SPAG9: variants seen among roughly 807,000 people sequenced by gnomAD.
SPAG9 encodes the protein C-Jun-amino-terminal kinase-interacting protein 4.
In SPAG9, 35 loss-of-function variants were observed where a neutral mutation model predicts 166.5. That is an observed-to-expected ratio of 0.21 (90% CI 0.16 to 0.28). The LOEUF (loss-of-function observed/expected upper bound fraction) is 0.28, where lower values mean the gene tolerates loss of function less well. Among genes scored for constraint, SPAG9 ranks in the 10% least tolerant of loss-of-function variants. SPAG9 has a pLI of 1.00. For missense variants in SPAG9, 1,235 were observed against 1,603.3 expected (o/e 0.77, Z 3.92); for synonymous variants, 534 against 565.5 (o/e 0.94, Z 0.79).
At position 50,998,317 on chromosome 17, in the gene SPAG9, AC is replaced by A. The variant is rs199523891; in HGVS notation, c.1838+126del. On this transcript the variant is annotated intron_variant, in intron 15 of 29. Transcript: ENST00000262013. ...AGTGCTGGGATTACAGGTGTGAGCC[AC>A]CGTGCCTGGCCCAGAAATGATTTTT... 2,416 of 832,394 alleles carry A rather than the reference AC, an allele frequency of 2.9e-3. 8 individuals carry two copies. The highest frequency in any genetic ancestry group is 3.8e-3 in the Non-Finnish European group (2,078 of 551,110). The allele number at this position is 832,394 out of a possible 1,614,324, so 51.6% of individuals were successfully genotyped here. A position where few individuals can be genotyped will look rare whatever the true frequency, so the allele number is the denominator to read the frequency against.
chr17:51,101,581 T>TA (rs1454556503), intron 1 of SPAG9, among the ~76,000 whole-genome samples: 1 of 152,070 alleles, frequency 6.6e-6, no homozygotes, highest in African/African-American at 2.4e-5. Context: ...AGTACATAAT[T>TA]AAAACTAGAA....
intron 26 of SPAG9, 28 bp from the exon 27 acceptor site, chr17:50,977,249 T>C (rs749446909): frequency 2.9e-6 from 4 of 1,364,726 alleles, no homozygotes; most frequent in East Asian, 2.3e-5. Flanking sequence ...AACACGTTAT[T>C]GAGAAACTAA....
intron 4 of SPAG9, chr17:51,046,879 A>C: frequency 1.3e-6 from 2 of 1,523,870 alleles, no homozygotes; most frequent in Non-Finnish European, 1.8e-6. Context: ...GCATTTATGC[A>C]GCAACCCCAA....
At chr17:51,089,659 T>C (rs77191738) in intron 1 of SPAG9, among the ~76,000 whole-genome samples, 2,539 of 103,016 alleles carry the variant, frequency 0.025, 145 homozygotes, top group African/African-American at 0.095. Context: ...TATATATATA[T>C]ATATACACAT....
intron 1 of SPAG9, among the ~76,000 whole-genome samples, chr17:51,102,415 A>C (rs917196860): frequency 1.3e-5 from 2 of 151,796 alleles, no homozygotes; most frequent in African/African-American, 4.8e-5. Context: ...AAAAAAAAAA[A>C]AAAGAAAAGA....
chr17:51,091,813 G>A (rs1267584595), intron 1 of SPAG9, among the ~76,000 whole-genome samples: 9 of 147,458 alleles, frequency 6.1e-5, no homozygotes, highest in Admixed American at 2.0e-4. Context: ...ACTAGACACC[G>A]TTAAAAAAAA....
intron 9 of SPAG9, 53 bp from the exon 10 acceptor site, chr17:51,007,379 ATACAT>A (rs2045272771): frequency 2.1e-6 from 2 of 968,496 alleles, no homozygotes; most frequent in Non-Finnish European, 3.1e-6. Context: ...CAATAATTAT[ATACAT>A]TTAAAATATA....
intron 22 of SPAG9, among the ~76,000 whole-genome samples, chr17:50,986,566 C>T (rs1046404095): frequency 2.0e-5 from 3 of 152,214 alleles, no homozygotes; most frequent in Admixed American, 2.0e-4. Context: ...AGATGCTCAA[C>T]AGTAATCTTG....
rs2047043581 is a variant in SPAG9, at chr17:51,046,964, G to A, written c.590+411C>T. ...TAGCTCATTGGCTACAATGCCTGAA[G>A]ATCTACATAATTTATTCACACTCCT... On this transcript the variant is annotated intron_variant, in intron 4 of 29. Coordinates refer to ENST00000262013, the MANE Select transcript of SPAG9 (RefSeq NM_001130528.3). 12 of 1,401,724 alleles carry A rather than the reference G, an allele frequency of 8.6e-6. No homozygotes were observed. In the South Asian group the frequency reaches 9.5e-5, roughly 11 times the overall value. The allele number at this position is 1,401,724 out of a possible 1,614,324, so 86.8% of individuals were successfully genotyped here. A position where few individuals can be genotyped will look rare whatever the true frequency, so the allele number is the denominator to read the frequency against.
chr17:51,105,009 T>C (rs2048908476), intron 1 of SPAG9, among the ~76,000 whole-genome samples: 1 of 148,798 alleles, frequency 6.7e-6, no homozygotes, highest in East Asian at 2.0e-4. Context: ...GGCAGGAGAA[T>C]GGTGTGAACT....
chr17:51,101,689 C>G (rs1423162225), intron 1 of SPAG9, among the ~76,000 whole-genome samples: 1 of 151,894 alleles, frequency 6.6e-6, no homozygotes, highest in Non-Finnish European at 1.5e-5. Context: ...AATGGTGCAA[C>G]CTCAGCTCAC....
intron 6 of SPAG9, among the ~76,000 whole-genome samples, chr17:51,030,333 T>C (rs929579064): frequency 3.9e-5 from 6 of 152,144 alleles, no homozygotes; most frequent in Admixed American, 6.6e-5. Context: ...AAATAAGTCA[T>C]ATAAAGGCAA....
At chr17:51,041,741 G>T (rs555212228) in intron 4 of SPAG9, 90 bp from the exon 5 acceptor site, 3 of 1,187,770 alleles carry the variant, frequency 2.5e-6, no homozygotes, top group Admixed American at 2.0e-5. Context: ...GACTGCCACT[G>T]TTTTACAACC....
At chr17:51,037,535 C>T (rs2046636496) in intron 5 of SPAG9, among the ~76,000 whole-genome samples, 1 of 150,434 alleles carries the variant, frequency 6.6e-6, no homozygotes, top group African/African-American at 2.4e-5. Context: ...ATCACTTGAA[C>T]CTGGGAGGTG....
intron 3 of SPAG9, among the ~76,000 whole-genome samples, chr17:51,049,149 G>A (rs2047112134): frequency 6.6e-6 from 1 of 151,660 alleles, no homozygotes; most frequent in South Asian, 2.1e-4. Flanking sequence ...GAGGTAGGAG[G>A]TTTGCTTGAG....
At chr17:51,002,553 C>T (rs1017572734) in intron 12 of SPAG9, among the ~76,000 whole-genome samples, 20 of 152,044 alleles carry the variant, frequency 1.3e-4, no homozygotes, top group African/African-American at 4.8e-4. Flanking sequence ...GAGTCTGAGG[C>T]GGGTACAATG....
At chr17:51,020,321 C>T in intron 7 of SPAG9, 63 bp from the exon 8 acceptor site, 1 of 1,150,636 alleles carries the variant, frequency 8.7e-7, no homozygotes, top group South Asian at 1.3e-5. Flanking sequence ...ATATAAAAAT[C>T]CTGTTGTTTT....
chr17:50,987,377 T>C, intron 21 of SPAG9, 140 bp from the exon 22 acceptor site: 2 of 740,706 alleles, frequency 2.7e-6, no homozygotes, highest in Non-Finnish European at 4.1e-6. Context: ...TATCACTCTG[T>C]CACCCAGGCT....
At chr17:50,978,392 T>C (rs1182891617) in intron 26 of SPAG9, among the ~76,000 whole-genome samples, 1 of 152,234 alleles carries the variant, frequency 6.6e-6, no homozygotes, top group Non-Finnish European at 1.5e-5. Flanking sequence ...GCAGTAACTC[T>C]AAATGGTTGA....
Sources: allele counts gnomAD v4.1 joint callset (sites outside exome capture counted in the v4.1 genomes callset), GRCh38; gene constraint gnomAD v4.1.1; transcripts MANE v1.5; gene names NCBI Gene and HGNC (gene_info 2026-07-23, HGNC 2026-07-21).